TCEA2: variants seen among roughly 807,000 people sequenced by gnomAD.
TCEA2 encodes transcription elongation factor A2.
Under a neutral mutation model 40.8 loss-of-function variants are expected in TCEA2, and 21 were observed. The observed-to-expected ratio is 0.51, with a 90% CI of 0.36 to 0.74. The LOEUF is 0.74. Ranked by LOEUF, TCEA2 falls within the 30% of genes least tolerant of loss-of-function variation. The pLI, the probability that TCEA2 is intolerant of heterozygous loss-of-function variation, is 0.00. For synonymous variants in TCEA2, 165 were observed against 162.7 expected, an observed-to-expected ratio of 1.01 and a Z score of -0.11; for missense variants, 326 against 426.5, an observed-to-expected ratio of 0.76 and a Z score of 2.08.
At position 64,072,248 on chromosome 20, in the gene TCEA2, C is replaced by T; in HGVS notation, c.*68C>T. On this transcript the variant is annotated 3_prime_UTR_variant, in exon 10 of 10. Transcript: ENST00000343484. ...CACGTCCTCCGTTGACACAGCTTCT[C>T]TGGAGACCCTAGAAGGCGGCATGTC... 2 of 1,567,986 alleles carry T rather than the reference C, an allele frequency of 1.3e-6. No homozygotes were observed. The highest frequency in any genetic ancestry group is 2.3e-5 in the East Asian group (1 of 44,160).
At chr20:64,066,427 G>A (rs750159586) in intron 1 of TCEA2, 49 bp from the exon 2 acceptor site, 2 of 1,595,584 alleles carry the variant, frequency 1.3e-6, no homozygotes, top group South Asian at 2.2e-5. Context: ...AGGTGATATT[G>A]TCTGTTGAGA....
upstream of TCEA2, among the ~76,000 whole-genome samples, chr20:64,060,169 T>C (rs1325620378): frequency 6.6e-6 from 1 of 152,228 alleles, no homozygotes; most frequent in Non-Finnish European, 1.5e-5. Context: ...GGGCTGCACC[T>C]CCTGCCCAGG....
chr20:64,070,101 C>T (rs2059793829), intron 6 of TCEA2, 159 bp from the exon 7 acceptor site: 1 of 1,151,376 alleles, frequency 8.7e-7, no homozygotes, highest in East Asian at 2.4e-5. Context: ...CTTGGCCCTG[C>T]AGCCCTTCAC....
intron 2 of TCEA2, 115 bp from the exon 3 acceptor site, chr20:64,066,800 C>T (rs1340809806): frequency 1.9e-6 from 2 of 1,069,644 alleles, no homozygotes; most frequent in Non-Finnish European, 2.8e-6. Context: ...GAGGCCTCTA[C>T]CTCCCTGGGA....
rs763397319 is a variant in TCEA2, at chr20:64,069,508, C to T, written c.460+17C>T. On this transcript the variant is annotated intron_variant, in intron 5 of 9. Coordinates refer to ENST00000343484, the MANE Select transcript of TCEA2 (RefSeq NM_003195.6). The stretch of plus-strand genomic sequence containing the variant: ...AGACGGACCGTGAGTGCGGCCGGCC[C>T]TGGCTCCTGACACCCGCTGTGGTTC... The T allele has an allele frequency of 2.9e-5, 47 of 1,609,950 alleles. No individual in the cohort carries two copies. The highest frequency in any genetic ancestry group is 4.0e-5 in the Non-Finnish European group (47 of 1,178,572).
chr20:64,057,854 T>G (rs2059493676), intron 1 of TCEA2, among the ~76,000 whole-genome samples: 1 of 152,136 alleles, frequency 6.6e-6, no homozygotes, highest in Non-Finnish European at 1.5e-5. Flanking sequence ...GGGGGGCAGC[T>G]GTGGCTCTTG....
intron 1 of TCEA2, chr20:64,057,730 GA>G (rs2059491497): frequency 1.3e-5 from 2 of 152,282 alleles, no homozygotes; most frequent in East Asian, 3.8e-4. Context: ...GCTCCTGAGG[GA>G]CCCGGGACCA....
chr20:64,070,239 G>A, intron 6 of TCEA2, 21 bp from the exon 7 acceptor site: 2 of 1,613,228 alleles, frequency 1.2e-6, no homozygotes, highest in East Asian at 4.5e-5. Context: ...GTCCTCAGGT[G>A]GGTCCTTAAA....
In TCEA2 at chr20:64,068,046, G is replaced by C. The variant is rs1360927037; in HGVS notation, c.242-1G>C. 6.2e-7 allele frequency: 1 copy of C among 1,604,546 alleles called. No homozygotes were observed. Among genetic ancestry groups the C allele is most frequent in the East Asian group, 2.3e-5 (1 of 44,394 alleles). On this transcript the variant is annotated splice_acceptor_variant, in intron 3 of 9. Coordinates refer to ENST00000343484, the MANE Select transcript of TCEA2 (RefSeq NM_003195.6). LOFTEE classifies it high-confidence loss of function. The stretch of plus-strand genomic sequence containing the variant: ...CAGCCCATCCCCGATCTTTCCTGCA[G>C]ATGCTTCCGATGCCAAAGCCAGGGA...
At chr20:64,065,858 G>A (rs41302944) in intron 1 of TCEA2, 1,385 of 116,860 alleles carry the variant, frequency 0.012, 14 homozygotes, top group Non-Finnish European at 0.018. Flanking sequence ...GGCTGTGGCC[G>A]TGCCTGGAGT....
At chr20:64,067,087 C>T (rs570881531) in intron 3 of TCEA2, 67 bp downstream of exon 3, 2 of 1,487,614 alleles carry the variant, frequency 1.3e-6, no homozygotes, top group Admixed American at 3.9e-5. Context: ...TCTTGCTGGT[C>T]AGCACAGTGT....
rs924311602 is a variant in TCEA2 at position 64,058,173 on chromosome 20, C to G, written c.-84+522C>G. Among the ~76,000 whole-genome samples, 1 of 152,226 alleles carries G rather than the reference C, an allele frequency of 6.6e-6. No individual in the cohort carries two copies. Among genetic ancestry groups the G allele is most frequent in the Non-Finnish European group, 1.5e-5 (1 of 68,024 alleles). On this transcript the variant is annotated intron_variant, in intron 1 of 10. Transcript: ENST00000361317. This position sits in a 1 kb window ranked among gnomAD's most constrained non-coding sequence, Gnocchi z 6.7. The stretch of plus-strand genomic sequence containing the variant: ...GGTCAGAGGCACCCGACCTCTTCTG[C>G]TAACCCCCTTCCCTGCCTGTCCCGT...
intron 1 of TCEA2, 57 bp from the exon 2 acceptor site, chr20:64,066,419 G>A (rs2145480610): frequency 1.3e-6 from 2 of 1,579,036 alleles, no homozygotes; most frequent in East Asian, 2.3e-5. Flanking sequence ...GCAGAAGGAG[G>A]TGATATTGTC....
At chr20:64,067,643 G>A (rs893450054) in intron 3 of TCEA2, among the ~76,000 whole-genome samples, 2 of 152,240 alleles carry the variant, frequency 1.3e-5, no homozygotes, top group Non-Finnish European at 2.9e-5. Context: ...GCTGTGCATG[G>A]CACAAGCATG....
At position 64,070,565 on chromosome 20, in the gene TCEA2, G is replaced by A. The variant is rs1418937933; in HGVS notation, c.749G>A (p.Arg250His). 3 of 1,613,696 alleles carry A rather than the reference G, an allele frequency of 1.9e-6. No homozygotes were observed. Among genetic ancestry groups the A allele is most frequent in the East Asian group, 2.2e-5 (1 of 44,874 alleles). The change falls in exon 8 of 10, where the codon CGC becomes CAC. Residue 250 changes from arginine to histidine, a missense_variant. Coordinates refer to ENST00000343484, the MANE Select transcript of TCEA2 (RefSeq NM_003195.6). ...GCCATCCGAGAGCACCAGATGGCCC[G>A]CACTGGCGGCACGCAGACAGACCTG... Reference protein sequence around the residue: ...KEAIREHQMARTGGTQTDLFT... With the variant: ...KEAIREHQMAHTGGTQTDLFT...
chr20:64,069,013 G>A (rs1366293569), intron 4 of TCEA2, among the ~76,000 whole-genome samples: 2 of 152,260 alleles, frequency 1.3e-5, no homozygotes, highest in African/African-American at 4.8e-5. Flanking sequence ...GGCCCAGTGG[G>A]TGGGCACCCC....
chr20:64,069,940 TG>T, intron 6 of TCEA2, 119 bp downstream of exon 6: 1 of 1,302,718 alleles, frequency 7.7e-7, no homozygotes, highest in Non-Finnish European at 1.1e-6. Flanking sequence ...GTCACCTGCC[TG>T]GGTGGTCACC....
intron 3 of TCEA2, among the ~76,000 whole-genome samples, chr20:64,067,457 C>G (rs931324124): frequency 1.5e-4 from 22 of 150,136 alleles, no homozygotes; most frequent in African/African-American, 5.4e-4. Context: ...GGGGCAGCCC[C>G]CTGCCAGGGA....
rs754267274 is a variant in TCEA2 at position 64,067,033 on chromosome 20, C to T, written c.241+13C>T. The T allele has an allele frequency of 1.8e-4, 286 of 1,603,752 alleles. 1 individual carries two copies. The highest frequency in any genetic ancestry group is 2.1e-4 in the Non-Finnish European group (250 of 1,175,040). On this transcript the variant is annotated intron_variant, in intron 3 of 9. Coordinates refer to ENST00000343484, the MANE Select transcript of TCEA2 (RefSeq NM_003195.6). ...AAGAAGCTCCTGGGTGCGGCTCAGG[C>T]GGTGCCCACTGAGTGCTGGGGCAGG... is the stretch of plus-strand genomic sequence containing the variant.
Sources: allele counts gnomAD v4.1 joint callset (sites outside exome capture counted in the v4.1 genomes callset), GRCh38; gene constraint gnomAD v4.1.1; non-coding constraint Gnocchi (gnomAD v3.1); transcripts MANE v1.5; gene names NCBI Gene and HGNC (gene_info 2026-07-23, HGNC 2026-07-21).